The following PTPRD variants were observed in gnomAD, a reference collection of about 807,000 sequenced individuals.
PTPRD encodes the protein protein tyrosine phosphatase receptor type D.
In PTPRD, 34 loss-of-function variants were observed where a neutral mutation model predicts 214.5. The observed-to-expected ratio is 0.16, with a 90% CI of 0.12 to 0.21. The LOEUF (loss-of-function observed/expected upper bound fraction) is 0.21. Among genes scored for constraint, PTPRD ranks in the 10% least tolerant of loss-of-function variants. PTPRD has a pLI of 1.00. For missense variants in PTPRD, 2,545 were observed against 2,398.7 expected, an observed-to-expected ratio of 1.06 and a Z score of -1.27; for synonymous variants, 1,128 against 845.7, an observed-to-expected ratio of 1.33 and a Z score of -5.79.
intron 3 of PTPRD, among the ~76,000 whole-genome samples, chr9:10,198,967 G>C (rs2099408770): frequency 6.6e-6 from 1 of 152,000 alleles, no homozygotes; most frequent in African/African-American, 2.4e-5. Context: ...ATTTTGCTAA[G>C]TGATGTTCAC....
chr9:10,468,679 G>A (rs913094233), intron 2 of PTPRD, among the ~76,000 whole-genome samples: 8 of 151,920 alleles, frequency 5.3e-5, no homozygotes, highest in Non-Finnish European at 1.0e-4. Flanking sequence ...GGAAGTCAGA[G>A]GGAAAGGCTT....
intron 9 of PTPRD, among the ~76,000 whole-genome samples, chr9:9,316,763 T>G (rs960459147): frequency 1.3e-5 from 2 of 152,118 alleles, no homozygotes; most frequent in Non-Finnish European, 2.9e-5. Context: ...AATAACACAA[T>G]CAGATGCATT....
intron 7 of PTPRD, among the ~76,000 whole-genome samples, chr9:9,690,942 C>A (rs2097259644): frequency 6.6e-6 from 1 of 151,720 alleles, no homozygotes; most frequent in African/African-American, 2.4e-5. Context: ...TTTAGCAATT[C>A]AGGGTGTTTT....
chr9:8,852,270 A>G (rs1233942334), intron 11 of PTPRD, among the ~76,000 whole-genome samples: 1 of 152,194 alleles, frequency 6.6e-6, no homozygotes. Context: ...AAAAAGAAAA[A>G]GACAATTGAG....
At chr9:10,464,280 G>A (rs2098978509) in intron 2 of PTPRD, among the ~76,000 whole-genome samples, 1 of 151,918 alleles carries the variant, frequency 6.6e-6, no homozygotes. Context: ...AAAAAGCTGG[G>A]CATGGCACTA....
At chr9:8,777,434 T>C (rs2095529930) in intron 11 of PTPRD, among the ~76,000 whole-genome samples, 1 of 152,212 alleles carries the variant, frequency 6.6e-6, no homozygotes. Flanking sequence ...CATTTTTACG[T>C]AATTTTGAAA....
chr9:9,366,319 A>G (rs949632349), intron 9 of PTPRD, among the ~76,000 whole-genome samples: 2 of 151,478 alleles, frequency 1.3e-5, no homozygotes, highest in Admixed American at 6.6e-5. Flanking sequence ...TCTCCTTTGA[A>G]AAGTATTGAT....
intron 4 of PTPRD, among the ~76,000 whole-genome samples, chr9:10,017,473 C>A (rs773100678): frequency 2.0e-5 from 3 of 151,864 alleles, no homozygotes; most frequent in Non-Finnish European, 2.9e-5. Context: ...ATGGATTATA[C>A]CTTATTTAAG....
chr9:9,553,252 C>T (rs768173059), intron 8 of PTPRD, among the ~76,000 whole-genome samples: 4 of 151,900 alleles, frequency 2.6e-5, no homozygotes, highest in African/African-American at 7.2e-5. Context: ...AATTGTTATA[C>T]GGATTTATAC....
chr9:9,220,709 T>C (rs562790855), intron 9 of PTPRD, among the ~76,000 whole-genome samples: 7 of 152,252 alleles, frequency 4.6e-5, no homozygotes, highest in Admixed American at 1.3e-4. Flanking sequence ...ATTTGACATA[T>C]ACTGTAAAAT....
At chr9:10,601,741 C>G (rs1411368818) in intron 2 of PTPRD, among the ~76,000 whole-genome samples, 1 of 151,672 alleles carries the variant, frequency 6.6e-6, no homozygotes, top group Non-Finnish European at 1.5e-5. Context: ...TTTTCAGCGA[C>G]AGAAGGCAAA....
At chr9:10,140,037 G>A (rs911276437) in intron 3 of PTPRD, among the ~76,000 whole-genome samples, 14 of 151,908 alleles carry the variant, frequency 9.2e-5, no homozygotes, top group Admixed American at 2.0e-4. Flanking sequence ...ATTAACAAGT[G>A]GGGCCTAACT....
At position 9,065,521 on chromosome 9, in the gene PTPRD, T is replaced by C. The variant is rs1210960576; in HGVS notation, c.-142-46786A>G. 2.0e-5 allele frequency among the ~76,000 whole-genome samples: 3 copies of C among 152,204 alleles called. No homozygotes were observed. In the South Asian group the frequency reaches 6.2e-4, roughly 32 times the overall value. The stretch of plus-strand genomic sequence containing the variant: ...CAAGTGTGTAGGACCTTGTAAACCA[T>C]CATAAAGGCATTCAAGTGCAATGTG... On this transcript the variant is annotated intron_variant, in intron 10 of 45. Transcript: ENST00000381196.
chr9:10,451,494 T>C (rs960307231), intron 2 of PTPRD, among the ~76,000 whole-genome samples: 7 of 151,740 alleles, frequency 4.6e-5, no homozygotes, highest in African/African-American at 1.7e-4. Flanking sequence ...ATCTTGGTCC[T>C]TTCTACTTCC....
chr9:9,692,207 T>G (rs2097285798), intron 7 of PTPRD, among the ~76,000 whole-genome samples: 1 of 151,336 alleles, frequency 6.6e-6, no homozygotes, highest in African/African-American at 2.5e-5. Flanking sequence ...CCCAGAACAA[T>G]GTGCTGGAGA....
chr9:8,546,356 G>A (rs1445456397), intron 14 of PTPRD, among the ~76,000 whole-genome samples: 1 of 152,134 alleles, frequency 6.6e-6, no homozygotes, highest in African/African-American at 2.4e-5. Flanking sequence ...GCAAGCAACT[G>A]CCCTATAATG....
chr9:9,642,294 T>C (rs536673802), intron 7 of PTPRD, among the ~76,000 whole-genome samples: 67 of 138,070 alleles, frequency 4.9e-4, no homozygotes, highest in African/African-American at 1.5e-3. Flanking sequence ...AGGGATAGCA[T>C]TGGGAGATAT....
intron 19 of PTPRD, among the ~76,000 whole-genome samples, chr9:8,522,509 A>G (rs1592689606): frequency 1.3e-5 from 2 of 152,188 alleles, no homozygotes; most frequent in African/African-American, 2.4e-5. Context: ...ATAAATGACA[A>G]CAAAATCTTT....
intron 30 of PTPRD, among the ~76,000 whole-genome samples, chr9:8,475,670 C>T (rs924119173): frequency 2.8e-4 from 42 of 152,170 alleles, no homozygotes; most frequent in African/African-American, 1.0e-3. Context: ...CATTGCACTA[C>T]AATCCATTTC....
Sources: gnomAD v4.1 joint callset for allele counts (sites outside exome capture counted in the v4.1 genomes callset) on GRCh38, gnomAD v4.1.1 for gene constraint, MANE v1.5 for transcripts, NCBI Gene and HGNC (gene_info 2026-07-23, HGNC 2026-07-21) for gene names.